CABIN1: variants seen among roughly 807,000 people sequenced by gnomAD.
CABIN1 encodes calcineurin-binding protein cabin-1.
Under a neutral mutation model 227.7 loss-of-function variants are expected in CABIN1, and 133 were observed. The observed-to-expected ratio is 0.58, with a 90% CI of 0.51 to 0.67. CABIN1 has a LOEUF of 0.67. Among genes scored for constraint, CABIN1 ranks in the 30% least tolerant of loss-of-function variants. The pLI is 0.00. For missense variants in CABIN1, 2,408 were observed against 2,852.5 expected (o/e 0.84, Z 3.55); for synonymous variants, 1,086 against 1,155.1 (o/e 0.94, Z 1.21).
intron 26 of CABIN1, among the ~76,000 whole-genome samples, chr22:24,109,845 G>A (rs979268930): frequency 6.6e-6 from 1 of 152,206 alleles, no homozygotes; most frequent in Non-Finnish European, 1.5e-5. Flanking sequence ...TCACCTTGAG[G>A]TATGTAAAGT....
At chr22:24,172,657 A>G (rs2046885087) in intron 34 of CABIN1, among the ~76,000 whole-genome samples, 1 of 152,228 alleles carries the variant, frequency 6.6e-6, no homozygotes, top group Non-Finnish European at 1.5e-5. Flanking sequence ...TCTAAAACCC[A>G]GGATCCATTG....
At chr22:24,059,842 T>G (rs2039061705) in intron 11 of CABIN1, 82 bp from the exon 12 acceptor site, 2 of 1,215,942 alleles carry the variant, frequency 1.6e-6, no homozygotes, top group Non-Finnish European at 2.4e-6. Context: ...GGGAACAGTC[T>G]TTACTGTCCC....
chr22:24,117,896 A>G (rs771086549), intron 27 of CABIN1, among the ~76,000 whole-genome samples: 2 of 152,238 alleles, frequency 1.3e-5, no homozygotes, highest in Admixed American at 6.5e-5. Flanking sequence ...TTTTGAACAC[A>G]TTAGAAACCT....
At chr22:24,129,763 CA>C (rs779937202) in intron 28 of CABIN1, among the ~76,000 whole-genome samples, 27 of 152,198 alleles carry the variant, frequency 1.8e-4, no homozygotes, top group South Asian at 4.1e-4. Flanking sequence ...AGGGGAGCAT[CA>C]GGGGGAAAGG....
intron 29 of CABIN1, among the ~76,000 whole-genome samples, chr22:24,146,347 C>G (rs558505927): frequency 2.0e-5 from 3 of 152,278 alleles, no homozygotes; most frequent in Admixed American, 6.5e-5. Context: ...TAAATGTATC[C>G]CCGAGCTCTC....
intron 12 of CABIN1, among the ~76,000 whole-genome samples, chr22:24,061,560 C>T (rs1419928509): frequency 6.6e-6 from 1 of 152,220 alleles, no homozygotes; most frequent in East Asian, 1.9e-4. Context: ...TGGGCAAGTG[C>T]CTTCTCATCA....
rs1426573761 is a variant in CABIN1 at position 24,132,739 on chromosome 22, C to T, written c.4633-1563C>T. ...AGTAGCTGGGATTAGAGGCGTGTGC[C>T]ACCATGCCAGGCTAATTCTTGTATT... On this transcript the variant is annotated intron_variant, in intron 28 of 36. Transcript: ENST00000263119. Among the ~76,000 whole-genome samples, 3 of 152,194 alleles carry T rather than the reference C, an allele frequency of 2.0e-5. No individual in the cohort carries two copies. In the East Asian group the frequency reaches 5.8e-4, roughly 29 times the overall value.
chr22:24,011,853 T>C (rs1167973405), intron 1 of CABIN1: 1 of 152,218 alleles, frequency 6.6e-6, no homozygotes, highest in Non-Finnish European at 1.5e-5. Context: ...ACCGTTCTGC[T>C]TCACTGCCTC....
At chr22:24,125,443 G>C (rs551663308) in intron 28 of CABIN1, among the ~76,000 whole-genome samples, 1 of 152,190 alleles carries the variant, frequency 6.6e-6, no homozygotes, top group Non-Finnish European at 1.5e-5. Context: ...CAGGACTATC[G>C]TGCAGGTTAA....
intron 21 of CABIN1, 94 bp from the exon 22 acceptor site, chr22:24,084,912 A>G (rs879216879): frequency 5.0e-5 from 79 of 1,564,630 alleles, no homozygotes; most frequent in East Asian, 6.7e-5. Flanking sequence ...GAGAGGCTGG[A>G]GAGTCTGTCC....
At chr22:24,055,211 C>T (rs1292928405) in intron 9 of CABIN1, 52 bp downstream of exon 9, 1 of 1,592,154 alleles carries the variant, frequency 6.3e-7, no homozygotes, top group Non-Finnish European at 8.5e-7. Context: ...TCACTGAGCC[C>T]AGCAGGAATG....
At chr22:24,054,443 C>T (rs1301730952) in intron 8 of CABIN1, among the ~76,000 whole-genome samples, 1 of 152,224 alleles carries the variant, frequency 6.6e-6, no homozygotes, top group Non-Finnish European at 1.5e-5. Flanking sequence ...GACCATGTCC[C>T]TGTTGGCAGT....
At position 24,165,581 on chromosome 22, in the gene CABIN1, C is replaced by T; in HGVS notation, c.4962C>T (p.Ile1654=). 1 of 1,613,222 alleles carries T rather than the reference C, an allele frequency of 6.2e-7. No homozygotes were observed. The highest frequency in any genetic ancestry group is 1.1e-5 in the South Asian group (1 of 91,052). ...AGGTCCTGGCGCAGCGGGCCTTCAT[C>T]CTCACTGTGAAGGTGCTCGAAGACA... ...DRQVLAQRAF[I]LTVKVLEDTL... Residue 1654 remains isoleucine (I), a synonymous_variant, in exon 31 of 37, where the codon ATC becomes ATT. Coordinates refer to ENST00000263119, the MANE Select transcript of CABIN1 (RefSeq NM_012295.4).
At chr22:24,146,568 A>C (rs1157331956) in intron 29 of CABIN1, among the ~76,000 whole-genome samples, 2 of 152,252 alleles carry the variant, frequency 1.3e-5, no homozygotes, top group African/African-American at 4.8e-5. Context: ...GAGGAAGTAC[A>C]CACAGAGGAG....
At position 24,063,228 on chromosome 22, in the gene CABIN1, G is replaced by A; in HGVS notation, c.1884+82G>A. ...AGAAAATTGACCATGTTGAGGGTGT[G>A]TGTGTGTATGTGTGTGTGTGTGTGT... is the stretch of plus-strand genomic sequence containing the variant. On this transcript the variant is annotated intron_variant, in intron 14 of 36. Transcript: ENST00000263119. 2.3e-6 allele frequency: 3 copies of A among 1,310,588 alleles called. No homozygotes were observed. The South Asian group carries it at 3.6e-5, about 16-fold the overall frequency. The allele number at this position is 1,310,588 out of a possible 1,614,324, so 81.2% of individuals were successfully genotyped here. A position where few individuals can be genotyped will look rare whatever the true frequency, so the allele number is the denominator to read the frequency against.
chr22:24,119,798 T>C (rs2147920211), intron 28 of CABIN1, 100 bp downstream of exon 28: 1 of 1,140,950 alleles, frequency 8.8e-7, no homozygotes, highest in South Asian at 1.2e-5. Flanking sequence ...AGCTTCACGG[T>C]AGCAGCACAT....
intron 29 of CABIN1, among the ~76,000 whole-genome samples, chr22:24,162,950 A>G (rs1428231436): frequency 6.6e-6 from 1 of 152,156 alleles, no homozygotes; most frequent in Non-Finnish European, 1.5e-5. Flanking sequence ...AGCACAGCGG[A>G]TGGAGACCCA....
At chr22:24,046,122 G>A (rs752236429) in intron 6 of CABIN1, among the ~76,000 whole-genome samples, 1 of 152,012 alleles carries the variant, frequency 6.6e-6, no homozygotes, top group Non-Finnish European at 1.5e-5. Flanking sequence ...GTAGAGTCAG[G>A]AAGCGTGTAG....
intron 27 of CABIN1, among the ~76,000 whole-genome samples, chr22:24,117,475 C>T (rs1293545870): frequency 2.0e-5 from 3 of 152,070 alleles, no homozygotes; most frequent in African/African-American, 7.2e-5. Context: ...GCTGGGATTA[C>T]AGGCGTGAGC....
Sources: gnomAD v4.1 joint callset for allele counts (sites outside exome capture counted in the v4.1 genomes callset) on GRCh38, gnomAD v4.1.1 for gene constraint, MANE v1.5 for transcripts, NCBI Gene and HGNC (gene_info 2026-07-23, HGNC 2026-07-21) for gene names.